Variants in CCSER2 observed in about 807,000 individuals in gnomAD.
CCSER2 encodes coiled-coil serine rich protein 2.
In CCSER2, 46 loss-of-function variants were observed where a neutral mutation model predicts 92.3. The observed-to-expected ratio is 0.50, with a 90% CI of 0.39 to 0.64. The LOEUF (loss-of-function observed/expected upper bound fraction) is 0.64, where lower values mean the gene tolerates loss of function less well. CCSER2 is among the 30% of genes least tolerant of loss of function. The probability of loss-of-function intolerance (pLI) is 0.00; values close to 1 mark genes in which losing one functional copy is unlikely to be tolerated. For missense variants in CCSER2, 1,244 were observed against 1,238.9 expected (o/e 1.00, Z -0.06); for synonymous variants, 433 against 431.4 (o/e 1.00, Z -0.04).
intron 1 of CCSER2, among the ~76,000 whole-genome samples, chr10:84,333,992 CAA>C (rs1326171178): frequency 6.6e-6 from 1 of 152,104 alleles, no homozygotes; most frequent in South Asian, 2.1e-4. Context: ...ACAGAAAGGT[CAA>C]GAGACTGAAC....
chr10:84,366,721 A>G (rs1564602334), intron 1 of CCSER2, among the ~76,000 whole-genome samples: 2 of 152,226 alleles, frequency 1.3e-5, no homozygotes, highest in African/African-American at 4.8e-5. Flanking sequence ...GTAGAATCAA[A>G]TAGAGTAGCT....
chr10:84,506,608 A>G (rs1849061090), intron 9 of CCSER2, among the ~76,000 whole-genome samples: 1 of 152,070 alleles, frequency 6.6e-6, no homozygotes, highest in Admixed American at 6.5e-5. Context: ...TCTGGCCAAC[A>G]TAGTGAAACC....
chr10:84,353,323 C>T (rs892830824), intron 1 of CCSER2, among the ~76,000 whole-genome samples: 6 of 151,914 alleles, frequency 3.9e-5, no homozygotes, highest in East Asian at 1.9e-4. Flanking sequence ...GATAGCAGCC[C>T]GAGCCAGCCC....
Position 84,371,040 on chromosome 10 carries a change from C to A in CCSER2, c.-13C>A, listed in dbSNP as rs757972321. 1.4e-5 allele frequency: 21 copies of A among 1,515,928 alleles called. No individual in the cohort carries two copies. In the Admixed American group the frequency reaches 4.5e-4, roughly 32 times the overall value. 93.9% of individuals were successfully genotyped at this position (1,515,928 alleles called of 1,614,324 possible). ...TTCTTTCAACTTTTAAGAACAAATG[C>A]ACCTTATAGCTCATGGAAGAAAAAA... On this transcript the variant is annotated 5_prime_UTR_variant, in exon 2 of 10. Coordinates refer to ENST00000372088, the MANE Select transcript of CCSER2 (RefSeq NM_001284240.2).
At chr10:84,334,598 A>G (rs1213500607) in intron 1 of CCSER2, among the ~76,000 whole-genome samples, 17 of 152,094 alleles carry the variant, frequency 1.1e-4, no homozygotes, top group Non-Finnish European at 1.8e-4. Flanking sequence ...TATTTTTTCA[A>G]GTTGATCAGT....
intron 8 of CCSER2, among the ~76,000 whole-genome samples, chr10:84,472,835 G>C (rs988598909): frequency 2.6e-5 from 4 of 151,928 alleles, no homozygotes; most frequent in Admixed American, 2.6e-4. Context: ...TTATCTCTAA[G>C]CAATTAATAG....
intron 3 of CCSER2, among the ~76,000 whole-genome samples, chr10:84,396,536 G>A (rs1034012585): frequency 1.3e-5 from 2 of 151,750 alleles, no homozygotes; most frequent in African/African-American, 2.4e-5. Context: ...TTTGTATTTC[G>A]TTTTGGGTTC....
At chr10:84,494,114 C>T (rs1021700333) in intron 9 of CCSER2, among the ~76,000 whole-genome samples, 2 of 152,304 alleles carry the variant, frequency 1.3e-5, no homozygotes, top group Non-Finnish European at 2.9e-5. Flanking sequence ...GATGAAGCTT[C>T]AACTCAACTG....
At chr10:84,337,711 C>T (rs1843916868) in intron 1 of CCSER2, among the ~76,000 whole-genome samples, 1 of 152,146 alleles carries the variant, frequency 6.6e-6, no homozygotes, top group Admixed American at 6.5e-5. Context: ...AGACAGGTCT[C>T]AATCAATTTA....
chr10:84,439,961 A>T (rs1374305130), intron 6 of CCSER2, among the ~76,000 whole-genome samples: 3 of 152,126 alleles, frequency 2.0e-5, no homozygotes, highest in Admixed American at 1.3e-4. Flanking sequence ...TAGGTAAAAT[A>T]TGTCAAATAT....
At chr10:84,358,685 T>C (rs566734975) in intron 1 of CCSER2, among the ~76,000 whole-genome samples, 62 of 147,812 alleles carry the variant, frequency 4.2e-4, no homozygotes, top group Admixed American at 2.2e-3. Context: ...TATATATATA[T>C]ACACACACAC....
Position 84,417,877 on chromosome 10 carries a change from A to G in CCSER2, c.1705+16A>G. 2.2e-6 allele frequency: 3 copies of G among 1,335,054 alleles called. No homozygotes were observed. Among genetic ancestry groups the G allele is most frequent in the Non-Finnish European group, 2.2e-6 (2 of 925,596 alleles). 82.7% of individuals were successfully genotyped at this position (1,335,054 alleles called of 1,614,324 possible). A position where few individuals can be genotyped will look rare whatever the true frequency, so the allele number is the denominator to read the frequency against. ...CTTGAAAATGGTAAGTTGAGACAAT[A>G]TTGAACCTTCAGAGGTATATACTTG... On this transcript the variant is annotated intron_variant, in intron 4 of 9. Transcript: ENST00000372088.
intron 9 of CCSER2, among the ~76,000 whole-genome samples, chr10:84,485,018 C>T (rs1847722549): frequency 6.6e-6 from 1 of 152,092 alleles, no homozygotes; most frequent in Admixed American, 6.5e-5. Flanking sequence ...GATACTAGAA[C>T]TATAGAAGGC....
intron 3 of CCSER2, among the ~76,000 whole-genome samples, chr10:84,394,385 ATGTGTGTGTGTGTG>A (rs60891669): frequency 1.5e-5 from 2 of 132,682 alleles, no homozygotes; most frequent in Non-Finnish European, 3.1e-5. Flanking sequence ...AAAGGAAAGT[ATGTGTGTGTGTGTG>A]TGTGTGTGTG....
At chr10:84,470,554 T>C in intron 8 of CCSER2, 96 bp downstream of exon 8, 1 of 1,097,586 alleles carries the variant, frequency 9.1e-7, no homozygotes, top group South Asian at 2.2e-5. Flanking sequence ...AGCTTTATTT[T>C]TGGCTCTCAA....
chr10:84,513,642 CT>C lies in CCSER2; in HGVS notation c.2524del (p.Ser842HisfsTer6). On this transcript the variant is annotated frameshift_variant, in exon 10 of 10. Transcript: ENST00000372088. LOFTEE classifies it high-confidence loss of function. Reference protein sequence around the residue: ...QESNYGLEEQPFSSGPQLTMD... With the variant: ...QESNYGLEEQXFSSGPQLTMD... Reference sequence around the variant, plus strand: ...AGCAACTATGGTTTGGAAGAGCAGCCTTTTTCATCAGGCCCACAATTAACAA... The same window carrying C: ...AGCAACTATGGTTTGGAAGAGCAGCCTTTTCATCAGGCCCACAATTAACAA... 2 of 1,590,698 alleles carry C rather than the reference CT, an allele frequency of 1.3e-6. No homozygotes were observed.
intron 6 of CCSER2, among the ~76,000 whole-genome samples, chr10:84,463,172 A>G (rs1361089419): frequency 1.3e-5 from 2 of 152,204 alleles, no homozygotes; most frequent in Non-Finnish European, 2.9e-5. Flanking sequence ...TATTTTATTT[A>G]TAATGTTTTG....
chr10:84,355,800 T>TA (rs1309225595), intron 1 of CCSER2, among the ~76,000 whole-genome samples: 2 of 152,204 alleles, frequency 1.3e-5, no homozygotes, highest in East Asian at 3.8e-4. Flanking sequence ...GTCTTATAGT[T>TA]ACTTTATAAA....
In CCSER2 at chr10:84,441,734, A is replaced by ATTTTTTT. The variant is rs1564667385; in HGVS notation, c.2064+3028_2064+3029insTTTTTTT. 1.7e-3 allele frequency among the ~76,000 whole-genome samples: 183 copies of ATTTTTTT among 106,442 alleles called. 12 individuals are homozygous for ATTTTTTT. Among genetic ancestry groups the ATTTTTTT allele is most frequent in the Non-Finnish European group, 2.5e-3 (133 of 54,110 alleles). The allele number at this position is 106,442 out of a possible 152,430, so 69.8% of individuals were successfully genotyped here. ...GGGAATAAAGTAGAAGACTGGGAAA[A>ATTTTTTT]TGTTTTTTTTTTTTTTTTTTTTTTT... On this transcript the variant is annotated intron_variant, in intron 6 of 9. Transcript: ENST00000372088.
Sources: allele counts gnomAD v4.1 joint callset (sites outside exome capture counted in the v4.1 genomes callset), GRCh38; gene constraint gnomAD v4.1.1; transcripts MANE v1.5; gene names NCBI Gene and HGNC (gene_info 2026-07-23, HGNC 2026-07-21).